The following ANO3 variants were observed in gnomAD, a reference collection of about 807,000 sequenced individuals.
ANO3 encodes anoctamin 3.
ANO3 carries 99 observed loss-of-function variants against 144.8 expected under a neutral mutation model. The observed-to-expected ratio is 0.68, with a 90% CI of 0.58 to 0.81. The LOEUF (loss-of-function observed/expected upper bound fraction) is 0.81, where lower values mean the gene tolerates loss of function less well. ANO3 is among the 30% of genes least tolerant of loss of function. ANO3 has a pLI of 0.00. For synonymous variants in ANO3, 414 were observed against 392.6 expected (o/e 1.05, Z -0.64); for missense variants, 905 against 1,202.2 (o/e 0.75, Z 3.66).
chr11:26,592,205 C>T (rs1590601384), intron 14 of ANO3, among the ~76,000 whole-genome samples: 1 of 152,062 alleles, frequency 6.6e-6, no homozygotes, highest in African/African-American at 2.4e-5. Context: ...GAGAGAGTTA[C>T]GGATTCTTAG....
chr11:26,649,613 T>G (rs1449255662), intron 24 of ANO3, among the ~76,000 whole-genome samples: 3 of 152,032 alleles, frequency 2.0e-5, no homozygotes, highest in Non-Finnish European at 4.4e-5. Flanking sequence ...GGCGGGCGCC[T>G]GTAATCCCAG....
At chr11:26,217,305 C>G in intron 1 of ANO3, among the ~76,000 whole-genome samples, 1 of 152,088 alleles carries the variant, frequency 6.6e-6, no homozygotes, top group Non-Finnish European at 1.5e-5. Context: ...GGATGCAAGA[C>G]AGGACATTTT....
intron 4 of ANO3, among the ~76,000 whole-genome samples, chr11:26,474,326 A>T (rs923717700): frequency 1.1e-4 from 16 of 152,044 alleles, no homozygotes; most frequent in African/African-American, 3.9e-4. Context: ...ATCTGTGTTT[A>T]TCTTGCATGT....
At chr11:26,285,344 T>A (rs567353539) in intron 1 of ANO3, among the ~76,000 whole-genome samples, 2 of 152,270 alleles carry the variant, frequency 1.3e-5, no homozygotes, top group South Asian at 4.1e-4. Flanking sequence ...AAGCAAGACA[T>A]GTTGTATGAA....
Position 26,634,325 on chromosome 11 carries a change from C to T in ANO3, c.1985+10C>T, listed in dbSNP as rs779060268. On this transcript the variant is annotated intron_variant, in intron 19 of 26. Transcript: ENST00000256737. ...CTTTCTTTTTGGGAAGGTAAGTCAA[C>T]TTTTTGTACATTATCTTCGCAGAGT... 1 of 1,523,734 alleles carries T rather than the reference C, an allele frequency of 6.6e-7. No homozygotes were observed. The highest frequency in any genetic ancestry group is 1.1e-5 in the South Asian group (1 of 89,032). The allele number at this position is 1,523,734 out of a possible 1,614,324, so 94.4% of individuals were successfully genotyped here.
intron 1 of ANO3, among the ~76,000 whole-genome samples, chr11:26,374,495 T>G (rs1004278762): frequency 3.9e-5 from 6 of 152,196 alleles, no homozygotes; most frequent in African/African-American, 1.4e-4. Context: ...ACTTGGACAT[T>G]AGGAGGGAAC....
chr11:26,258,459 C>A (rs766806310), intron 1 of ANO3, among the ~76,000 whole-genome samples: 4 of 152,132 alleles, frequency 2.6e-5, no homozygotes, highest in Non-Finnish European at 5.9e-5. Flanking sequence ...AAAAAGTTCA[C>A]TTTCTGAAAA....
intron 1 of ANO3, among the ~76,000 whole-genome samples, chr11:26,385,952 A>G (rs1856720524): frequency 1.3e-5 from 2 of 150,904 alleles, no homozygotes; most frequent in South Asian, 2.1e-4. Context: ...TATGTATGTA[A>G]TTTCTTTGCT....
chr11:26,655,221 C>T (rs943984998), intron 24 of ANO3, among the ~76,000 whole-genome samples: 7 of 152,138 alleles, frequency 4.6e-5, no homozygotes, highest in African/African-American at 1.7e-4. Context: ...GCTTCTGTAC[C>T]TTCCCATCTG....
chr11:26,630,794 T>C (rs1336431827), intron 18 of ANO3, among the ~76,000 whole-genome samples: 1 of 152,198 alleles, frequency 6.6e-6, no homozygotes, highest in African/African-American at 2.4e-5. Context: ...ATTGGCCTTG[T>C]TACACTATGC....
rs754339048 is a variant in ANO3, at chr11:26,565,773, A to G, written c.1447+5994A>G. On this transcript the variant is annotated intron_variant, in intron 14 of 26. Transcript: ENST00000256737. ...TTCTGCAATGTTCTGTGTTGTGTTTATGTCTTGATTTTCTTTTCCATGGCT... is the reference window on the plus strand; with the variant it reads ...TTCTGCAATGTTCTGTGTTGTGTTTGTGTCTTGATTTTCTTTTCCATGGCT... The G allele has an allele frequency of 6.2e-7, 1 of 1,613,268 alleles. No homozygotes were observed. The highest frequency in any genetic ancestry group is 2.2e-5 in the East Asian group (1 of 44,844).
At chr11:26,318,060 AGAAC>A (rs1854668379) in intron 1 of ANO3, among the ~76,000 whole-genome samples, 1 of 70,650 alleles carries the variant, frequency 1.4e-5, no homozygotes, top group African/African-American at 3.5e-5. Context: ...TTGAACAATG[AGAAC>A]ACATGGACAC....
At chr11:26,554,354 AT>A (rs1850024697) in intron 13 of ANO3, among the ~76,000 whole-genome samples, 1 of 152,058 alleles carries the variant, frequency 6.6e-6, no homozygotes, top group Admixed American at 6.6e-5. Flanking sequence ...ATTGTTTCAA[AT>A]TGTTGCCTAT....
intron 1 of ANO3, among the ~76,000 whole-genome samples, chr11:26,373,023 C>T (rs546966500): frequency 7.7e-4 from 117 of 151,988 alleles, no homozygotes; most frequent in Admixed American, 1.5e-3. Context: ...CAACTTTTGT[C>T]ACATTGGTTT....
At chr11:26,592,071 G>A (rs971584237) in intron 14 of ANO3, among the ~76,000 whole-genome samples, 2 of 152,120 alleles carry the variant, frequency 1.3e-5, no homozygotes, top group Admixed American at 1.3e-4. Context: ...TTAAGAACTT[G>A]TTGACATTTA....
chr11:26,548,308 A>G (rs1348439053), intron 12 of ANO3, among the ~76,000 whole-genome samples: 3 of 151,998 alleles, frequency 2.0e-5, no homozygotes, highest in African/African-American at 7.2e-5. Context: ...TTCAGCAAGG[A>G]CAAGAGTCAC....
intron 7 of ANO3, among the ~76,000 whole-genome samples, chr11:26,528,633 T>C (rs1849226483): frequency 6.6e-6 from 1 of 152,138 alleles, no homozygotes; most frequent in African/African-American, 2.4e-5. Context: ...GGAGAACAAA[T>C]GGAATTACTC....
At chr11:26,423,339 C>G (rs1857812970) in intron 1 of ANO3, among the ~76,000 whole-genome samples, 1 of 112,494 alleles carries the variant, frequency 8.9e-6, no homozygotes, top group African/African-American at 3.0e-5. Context: ...ACAATTTGTG[C>G]ATCTACTTCC....
At chr11:26,659,249 A>G (rs1853802041) in intron 26 of ANO3, among the ~76,000 whole-genome samples, 2 of 152,198 alleles carry the variant, frequency 1.3e-5, no homozygotes, top group South Asian at 4.1e-4. Context: ...CACAGAATAT[A>G]GGTGATTTGC....
Sources: gnomAD v4.1 joint callset for allele counts (sites outside exome capture counted in the v4.1 genomes callset) on GRCh38, gnomAD v4.1.1 for gene constraint, MANE v1.5 for transcripts, NCBI Gene and HGNC (gene_info 2026-07-23, HGNC 2026-07-21) for gene names.